GRIK1: variants seen among roughly 807,000 people sequenced by gnomAD.
The protein encoded by GRIK1 is glutamate receptor ionotropic, kainate 1.
GRIK1 carries 69 observed loss-of-function variants against 105.7 expected under a neutral mutation model. The observed-to-expected ratio is 0.65, with a 90% CI of 0.54 to 0.80. GRIK1 has a LOEUF of 0.80. Ranked by LOEUF, GRIK1 falls within the 30% of genes least tolerant of loss-of-function variation. GRIK1 has a pLI of 0.00. For missense variants in GRIK1, 1,109 were observed against 1,167.3 expected (o/e 0.95, Z 0.73); for synonymous variants, 438 against 431.3 (o/e 1.02, Z -0.19).
intron 1 of GRIK1, among the ~76,000 whole-genome samples, chr21:29,857,486 G>T (rs753205793): frequency 6.6e-6 from 1 of 152,172 alleles, no homozygotes; most frequent in Non-Finnish European, 1.5e-5. Flanking sequence ...GTTTATGTTA[G>T]ATCTGTCTGG....
chr21:29,923,746 C>T (rs1008516113), intron 1 of GRIK1, among the ~76,000 whole-genome samples: 1 of 152,156 alleles, frequency 6.6e-6, no homozygotes, highest in Non-Finnish European at 1.5e-5. Context: ...CACAGACTGA[C>T]AAACAACGTT....
intron 1 of GRIK1, chr21:29,861,583 A>AACCAACACTCG: frequency 2.8e-6 from 1 of 357,570 alleles, no homozygotes; most frequent in Non-Finnish European, 5.5e-6. Context: ...GTGGGATTAT[A>AACCAACACTCG]GGTGTGAGCC....
chr21:29,932,930 AC>A (rs964945575), intron 1 of GRIK1, among the ~76,000 whole-genome samples: 51 of 151,730 alleles, frequency 3.4e-4, no homozygotes, highest in African/African-American at 1.2e-3. Context: ...AAAAAAAAAA[AC>A]GAGAAAAAGA....
At chr21:29,780,159 G>T (rs953142698) in intron 1 of GRIK1, among the ~76,000 whole-genome samples, 1 of 152,116 alleles carries the variant, frequency 6.6e-6, no homozygotes, top group Admixed American at 6.5e-5. Flanking sequence ...TAGCTAATTG[G>T]ATGCCAGCTA....
chr21:29,538,513 T>C (rs565055679), intron 16 of GRIK1, among the ~76,000 whole-genome samples: 1 of 152,268 alleles, frequency 6.6e-6, no homozygotes, highest in South Asian at 2.1e-4. Flanking sequence ...ATTGTGCCTA[T>C]AGTTAATATC....
chr21:29,876,666 C>A (rs184633242), intron 1 of GRIK1, among the ~76,000 whole-genome samples: 8 of 152,256 alleles, frequency 5.3e-5, no homozygotes, highest in Non-Finnish European at 1.5e-5. Context: ...TGCTTTTAGG[C>A]AGTTTCATCT....
chr21:29,563,451 T>G (rs947045698), intron 14 of GRIK1, among the ~76,000 whole-genome samples: 2 of 152,264 alleles, frequency 1.3e-5, no homozygotes, highest in African/African-American at 4.8e-5. Flanking sequence ...TAGATATTGG[T>G]ATTTTGTGGA....
intron 15 of GRIK1, among the ~76,000 whole-genome samples, chr21:29,561,163 T>C (rs1296912439): frequency 6.6e-6 from 1 of 152,214 alleles, no homozygotes; most frequent in Non-Finnish European, 1.5e-5. Flanking sequence ...CTTTATCCTT[T>C]TTCTTTTGAC....
At chr21:29,873,394 C>T (rs1227728741) in intron 1 of GRIK1, among the ~76,000 whole-genome samples, 1 of 152,204 alleles carries the variant, frequency 6.6e-6, no homozygotes, top group African/African-American at 2.4e-5. Context: ...CATACCAGGG[C>T]TCAGATCTCT....
intron 16 of GRIK1, among the ~76,000 whole-genome samples, chr21:29,551,374 A>T (rs1197588469): frequency 6.6e-6 from 1 of 152,194 alleles, no homozygotes; most frequent in Non-Finnish European, 1.5e-5. Context: ...GAGACTGAGA[A>T]GTTTGGTAAC....
At chr21:29,694,205 A>G in intron 1 of GRIK1, 142 bp from the exon 2 acceptor site, 1 of 602,504 alleles carries the variant, frequency 1.7e-6, no homozygotes, top group Non-Finnish European at 2.8e-6. Context: ...GCTCACTGCA[A>G]CCTCCGCCTC....
intron 14 of GRIK1, among the ~76,000 whole-genome samples, chr21:29,562,483 C>T (rs2090505496): frequency 6.6e-6 from 1 of 152,118 alleles, no homozygotes; most frequent in Non-Finnish European, 1.5e-5. Flanking sequence ...TGGTGAAACC[C>T]TGTCTCTACT....
intron 1 of GRIK1, among the ~76,000 whole-genome samples, chr21:29,791,209 C>G (rs146942261): frequency 6.6e-6 from 1 of 151,860 alleles, no homozygotes; most frequent in African/African-American, 2.4e-5. Context: ...TGGTAAGGGA[C>G]GAGAAATTTA....
intron 16 of GRIK1, among the ~76,000 whole-genome samples, chr21:29,548,960 C>T (rs2090087519): frequency 6.6e-6 from 1 of 152,110 alleles, no homozygotes; most frequent in South Asian, 2.1e-4. Flanking sequence ...AGGTTAGAAG[C>T]AAACTTATTA....
intron 1 of GRIK1, among the ~76,000 whole-genome samples, chr21:29,753,505 C>T (rs1333454658): frequency 6.6e-6 from 1 of 152,160 alleles, no homozygotes; most frequent in Non-Finnish European, 1.5e-5. Flanking sequence ...TGTAGCAAAG[C>T]CCTCTGGCAT....
At chr21:29,580,296 A>G (rs1175852847) in intron 13 of GRIK1, among the ~76,000 whole-genome samples, 2 of 151,810 alleles carry the variant, frequency 1.3e-5, no homozygotes, top group Non-Finnish European at 2.9e-5. Flanking sequence ...GTAAAGTAGT[A>G]TATGGGGTTT....
chr21:29,648,734 G>C (rs542947193), intron 6 of GRIK1, among the ~76,000 whole-genome samples: 2 of 152,160 alleles, frequency 1.3e-5, no homozygotes, highest in African/African-American at 4.8e-5. Context: ...AACAAAAACA[G>C]GTAAGAAGAA....
chr21:29,905,790 C>A (rs2507739), intron 1 of GRIK1, among the ~76,000 whole-genome samples: 32,099 of 149,798 alleles, frequency 0.21, 3,928 homozygotes, highest in African/African-American at 0.33. Context: ...CTACGCCCGG[C>A]TAATTTTTTG....
Position 29,555,183 on chromosome 21 carries a change from C to T in GRIK1, c.2476G>A (p.Glu826Lys), listed in dbSNP as rs1167807744. Residue 826 changes from glutamate (E) to lysine (K), a missense_variant, in exon 16 of 18, where the codon GAA (glutamate) becomes AAA (lysine). Physicochemically the swap from Glu to Lys is moderately conservative, Grantham distance 56 (BLOSUM62 1). This residue lies in a region of GRIK1 where 161 missense variants were observed against 143.4 expected (regional missense o/e 1.12). Coordinates refer to ENST00000327783, the MANE Select transcript of GRIK1 (RefSeq NM_001330994.2). ...TTTTCCACTCCCAGGGCACTGGCTT[C>T]TTTGTTGTCTTCCTCGGGGCAGCCA... The part of the protein sequence containing the change: ...GNGCPEEDNK[E>K]ASALGVENIG... 6.2e-7 allele frequency: 1 copy of T among 1,613,996 alleles called. No individual in the cohort carries two copies. Among genetic ancestry groups the T allele is most frequent in the Non-Finnish European group, 8.5e-7 (1 of 1,179,932 alleles).
Sources: gnomAD v4.1 joint callset for allele counts (sites outside exome capture counted in the v4.1 genomes callset) on GRCh38, gnomAD v4.1.1 for gene constraint, gnomAD v4.1.1 regional missense constraint, MANE v1.5 for transcripts, NCBI Gene and HGNC (gene_info 2026-07-23, HGNC 2026-07-21) for gene names.